PRICKLE1: variants seen among roughly 807,000 people sequenced by gnomAD.
PRICKLE1 encodes prickle-like protein 1.
PRICKLE1 carries 14 observed loss-of-function variants against 70.2 expected under a neutral mutation model. The observed-to-expected ratio is 0.20, with a 90% CI of 0.13 to 0.31. The LOEUF (loss-of-function observed/expected upper bound fraction) is 0.31. Among genes scored for constraint, PRICKLE1 ranks in the 10% least tolerant of loss-of-function variants. The probability of loss-of-function intolerance (pLI) is 1.00; values close to 1 mark genes in which losing one functional copy is unlikely to be tolerated. For missense variants in PRICKLE1, 821 were observed against 1,026.2 expected, an observed-to-expected ratio of 0.80 and a Z score of 2.73; for synonymous variants, 357 against 379.9, an observed-to-expected ratio of 0.94 and a Z score of 0.70.
rs1325512194 is a variant in PRICKLE1, at chr12:42,460,267, T to C, written c.2038A>G (p.Lys680Glu). ...SHHHRRRRSR[K>E]SRSDNALNLV... is the part of the protein sequence containing the mutation. ...TTCAGGGCATTGTCGGAGCGGGACT[T>C]TCTACTTCTCCGGCGGCGGTGGTGA... Residue 680 changes from lysine to glutamate, a missense_variant, in exon 8 of 8, where the codon AAG becomes GAG. By Grantham distance (56) the Lys-to-Glu change is moderately conservative (BLOSUM62 1). Coordinates refer to ENST00000345127, the MANE Select transcript of PRICKLE1 (RefSeq NM_153026.3). The C allele has an allele frequency of 2.5e-6, 4 of 1,614,036 alleles. No homozygotes were observed. In the South Asian group the frequency reaches 3.3e-5, roughly 13 times the overall value.
rs141334021 is a variant in PRICKLE1 at position 42,531,043 on chromosome 12, CTTT to C, written c.-49+58419_-49+58421del. ...GCCCTATTGCTAAAGATGTTAAGGG[CTTT>C]TTTTTTTTTTTTTTTTTTTTGACGG... On this transcript the variant is annotated intron_variant, in intron 1 of 7. Transcript: ENST00000345127. Among the ~76,000 whole-genome samples, 537 of 100,112 alleles carry C rather than the reference CTTT, an allele frequency of 5.4e-3. 3 individuals carry two copies. The highest frequency in any genetic ancestry group is 0.02 in the African/African-American group (490 of 24,128). The allele number at this position is 100,112 out of a possible 152,430, so 65.7% of individuals were successfully genotyped here.
intron 1 of PRICKLE1, among the ~76,000 whole-genome samples, chr12:42,555,282 T>G (rs1940396173): frequency 6.6e-6 from 1 of 152,080 alleles, no homozygotes; most frequent in South Asian, 2.1e-4. Flanking sequence ...CCAGTCTGGG[T>G]GACAAGAGCG....
At chr12:42,573,853 AATT>A (rs1243475704) in intron 1 of PRICKLE1, among the ~76,000 whole-genome samples, 2 of 152,166 alleles carry the variant, frequency 1.3e-5, no homozygotes, top group Non-Finnish European at 2.9e-5. Flanking sequence ...AATTCTTTAA[AATT>A]ATTATGTGTG....
At chr12:42,486,890 A>T (rs1307319802) in intron 1 of PRICKLE1, among the ~76,000 whole-genome samples, 1 of 152,240 alleles carries the variant, frequency 6.6e-6, no homozygotes, top group Non-Finnish European at 1.5e-5. Context: ...AAAGGCTCTG[A>T]TAATCACAAA....
chr12:42,550,459 C>T (rs1470504912), intron 1 of PRICKLE1: 1 of 152,184 alleles, frequency 6.6e-6, no homozygotes, highest in Non-Finnish European at 1.5e-5. Flanking sequence ...AGTTTATTTA[C>T]TGGAAGAGAA....
intron 1 of PRICKLE1, among the ~76,000 whole-genome samples, chr12:42,557,649 C>A (rs1265334356): frequency 2.0e-5 from 3 of 152,168 alleles, no homozygotes; most frequent in Non-Finnish European, 4.4e-5. Flanking sequence ...CTGGATCTAT[C>A]CCTATGTTAT....
intron 1 of PRICKLE1, among the ~76,000 whole-genome samples, chr12:42,550,786 T>C (rs963417577): frequency 3.3e-5 from 5 of 152,216 alleles, no homozygotes; most frequent in Non-Finnish European, 5.9e-5. Flanking sequence ...CGAAGTTACT[T>C]TCAAAGCCCA....
chr12:42,587,222 C>A (rs981629965), intron 1 of PRICKLE1, among the ~76,000 whole-genome samples: 4 of 152,164 alleles, frequency 2.6e-5, no homozygotes, highest in Non-Finnish European at 5.9e-5. Context: ...GATAACTCGC[C>A]AATTAGTACC....
chr12:42,503,295 T>G (rs117339398), intron 1 of PRICKLE1, among the ~76,000 whole-genome samples: 4,976 of 152,244 alleles, frequency 0.033, 133 homozygotes, highest in Non-Finnish European at 0.047. Flanking sequence ...AGAAGAGCCT[T>G]TTGACAACAT....
intron 1 of PRICKLE1, among the ~76,000 whole-genome samples, chr12:42,532,435 A>G (rs1461329904): frequency 2.0e-5 from 3 of 152,238 alleles, no homozygotes; most frequent in Non-Finnish European, 4.4e-5. Flanking sequence ...ATAGAATATG[A>G]CTGACATTTG....
intron 1 of PRICKLE1, among the ~76,000 whole-genome samples, chr12:42,542,566 G>T (rs867858692): frequency 6.6e-6 from 1 of 152,104 alleles, no homozygotes; most frequent in Non-Finnish European, 1.5e-5. Flanking sequence ...CAGAAGAATC[G>T]TTTGAACCCA....
intron 1 of PRICKLE1, among the ~76,000 whole-genome samples, chr12:42,560,142 T>C (rs903248394): frequency 2.5e-5 from 3 of 121,598 alleles, no homozygotes; most frequent in Admixed American, 7.7e-5. Flanking sequence ...TTATTATTAT[T>C]ATTATTATTT....
intron 1 of PRICKLE1, among the ~76,000 whole-genome samples, chr12:42,514,591 C>A (rs1271263940): frequency 6.6e-6 from 1 of 152,200 alleles, no homozygotes; most frequent in East Asian, 1.9e-4. Context: ...CCATTATATG[C>A]TGTCAAAGGG....
At chr12:42,560,013 C>T (rs1318111861) in intron 1 of PRICKLE1, among the ~76,000 whole-genome samples, 4 of 151,804 alleles carry the variant, frequency 2.6e-5, no homozygotes, top group East Asian at 3.9e-4. Flanking sequence ...GCTCTCTGTA[C>T]ACTGGAAGGA....
At position 42,468,648 on chromosome 12, in the gene PRICKLE1, G is replaced by A. The variant is rs751596896; in HGVS notation, c.566C>T (p.Pro189Leu). The change falls in exon 5 of 8, where the codon CCA becomes CTA. Residue 189 changes from proline (P) to leucine (L), a missense_variant. Coordinates refer to ENST00000345127, the MANE Select transcript of PRICKLE1 (RefSeq NM_153026.3). ...CGRHHAELLK[P>L]RCSACDEIIF... ...TACCTCGTCACATGCTGAGCACCGT[G>A]GTTTGAGCAGTTCTGCATGGTGCCT... The A allele has an allele frequency of 1.9e-6, 3 of 1,613,898 alleles. No homozygotes were observed. The highest frequency in any genetic ancestry group is 2.5e-6 in the Non-Finnish European group (3 of 1,179,964).
At chr12:42,575,153 A>T (rs1304794111) in intron 1 of PRICKLE1, among the ~76,000 whole-genome samples, 2 of 152,118 alleles carry the variant, frequency 1.3e-5, no homozygotes, top group East Asian at 3.8e-4. Flanking sequence ...AAGAGTAAAT[A>T]AGTTCAGATT....
chr12:42,539,070 T>C (rs1008339717), intron 1 of PRICKLE1, among the ~76,000 whole-genome samples: 3 of 152,220 alleles, frequency 2.0e-5, no homozygotes, highest in South Asian at 2.1e-4. Context: ...AAATATAATG[T>C]AATTTGATAG....
chr12:42,467,304 AC>A (rs1190174211), intron 5 of PRICKLE1, among the ~76,000 whole-genome samples: 1 of 151,922 alleles, frequency 6.6e-6, no homozygotes, highest in Non-Finnish European at 1.5e-5. Context: ...TTCAGTAGAG[AC>A]GGGGTTTCAC....
At chr12:42,499,816 C>T (rs1033786139) in intron 1 of PRICKLE1, among the ~76,000 whole-genome samples, 1 of 152,096 alleles carries the variant, frequency 6.6e-6, no homozygotes, top group Non-Finnish European at 1.5e-5. Flanking sequence ...CAACCTCTGC[C>T]TCCCGGGTTC....
Sources: allele counts gnomAD v4.1 joint callset (sites outside exome capture counted in the v4.1 genomes callset), GRCh38; gene constraint gnomAD v4.1.1; transcripts MANE v1.5; gene names NCBI Gene and HGNC (gene_info 2026-07-23, HGNC 2026-07-21).